GPC6: variants seen among roughly 807,000 people sequenced by gnomAD.
The protein encoded by GPC6 is glypican 6, also known as glypican-6.
In GPC6, 14 loss-of-function variants were observed where a neutral mutation model predicts 55.2. The observed-to-expected ratio is 0.25, with a 90% CI of 0.17 to 0.40. GPC6 has a LOEUF of 0.40. Ranked by LOEUF, GPC6 falls within the 10% of genes least tolerant of loss-of-function variation. The pLI is 1.00. For synonymous variants in GPC6, 278 were observed against 259.6 expected (o/e 1.07, Z -0.68); for missense variants, 641 against 708.5 (o/e 0.90, Z 1.08).
chr13:93,719,333 C>T (rs903203740), intron 2 of GPC6, among the ~76,000 whole-genome samples: 1 of 151,932 alleles, frequency 6.6e-6, no homozygotes, highest in Non-Finnish European at 1.5e-5. Context: ...GAATTTTATT[C>T]TCTTTGTAGC....
chr13:94,355,177 C>T (rs956854895), intron 6 of GPC6, among the ~76,000 whole-genome samples: 2 of 152,136 alleles, frequency 1.3e-5, no homozygotes, highest in African/African-American at 4.8e-5. Context: ...GCACCCACCA[C>T]CACACCTGGC....
chr13:94,155,152 T>A (rs145626127), intron 4 of GPC6, among the ~76,000 whole-genome samples: 80 of 152,250 alleles, frequency 5.3e-4, no homozygotes, highest in Non-Finnish European at 1.0e-3. Context: ...CAAATCCACC[T>A]ACCTACAAGG....
chr13:94,135,497 A>G (rs1887154652), intron 4 of GPC6, among the ~76,000 whole-genome samples: 1 of 152,216 alleles, frequency 6.6e-6, no homozygotes, highest in African/African-American at 2.4e-5. Flanking sequence ...TTTAATTCAG[A>G]AGCATTTATT....
intron 4 of GPC6, among the ~76,000 whole-genome samples, chr13:94,111,784 G>A (rs563441332): frequency 1.1e-4 from 17 of 152,094 alleles, no homozygotes; most frequent in African/African-American, 3.9e-4. Context: ...GCTGGCCCAG[G>A]GTCCAGGATA....
chr13:93,789,743 G>T (rs931965354), intron 2 of GPC6, among the ~76,000 whole-genome samples: 9 of 149,354 alleles, frequency 6.0e-5, no homozygotes, highest in Admixed American at 3.4e-4. Flanking sequence ...ATGGCACAGA[G>T]GACAATGAGT....
chr13:93,389,394 C>G (rs1272313668), intron 1 of GPC6, among the ~76,000 whole-genome samples: 2 of 151,100 alleles, frequency 1.3e-5, no homozygotes, highest in Non-Finnish European at 2.9e-5. Flanking sequence ...GTCCTAGCTA[C>G]TTGGGAGGCT....
chr13:93,813,303 C>T (rs1318117489), intron 2 of GPC6, among the ~76,000 whole-genome samples: 1 of 152,066 alleles, frequency 6.6e-6, no homozygotes, highest in Non-Finnish European at 1.5e-5. Context: ...TGTAATCCCA[C>T]AGCTACTCAG....
At chr13:93,885,895 A>C (rs1875294390) in intron 3 of GPC6, among the ~76,000 whole-genome samples, 1 of 152,134 alleles carries the variant, frequency 6.6e-6, no homozygotes, top group Admixed American at 6.6e-5. Context: ...GTGCTTGAAG[A>C]GAGATGAGAT....
Position 93,906,141 on chromosome 13 carries a change from A to G in GPC6, c.711+75596A>G, listed in dbSNP as rs1002344123. On this transcript the variant is annotated intron_variant, in intron 3 of 8. Coordinates refer to ENST00000377047, the MANE Select transcript of GPC6 (RefSeq NM_005708.5). ...TGCAGTCTGGCTCCTGGACCCACAAAAAGTTTGTCTTTCTCTCTCATTCTC... is the reference window on the plus strand; with the variant it reads ...TGCAGTCTGGCTCCTGGACCCACAAGAAGTTTGTCTTTCTCTCTCATTCTC... Among the ~76,000 whole-genome samples, 10 of 152,066 alleles carry G rather than the reference A, an allele frequency of 6.6e-5. No homozygotes were observed. The South Asian group carries it at 2.1e-3, about 32-fold the overall frequency.
intron 2 of GPC6, among the ~76,000 whole-genome samples, chr13:93,640,613 G>A (rs548670520): frequency 5.1e-4 from 78 of 152,086 alleles, no homozygotes; most frequent in African/African-American, 1.6e-3. Flanking sequence ...GCACTATATA[G>A]CCACTTGTTG....
At position 93,329,274 on chromosome 13, in the gene GPC6, C is replaced by A. The variant is rs978473534; in HGVS notation, c.160+101658C>A. Reference sequence around the variant, plus strand: ...CTTTCCCTTCTGATTCTGATCCTAACTACAAACAAAATAATTTATGGCATT... The same window carrying A: ...CTTTCCCTTCTGATTCTGATCCTAAATACAAACAAAATAATTTATGGCATT... On this transcript the variant is annotated intron_variant, in intron 1 of 8. Transcript: ENST00000377047. Among the ~76,000 whole-genome samples the A allele has an allele frequency of 3.3e-5, 5 of 152,206 alleles. No individual in the cohort carries two copies. In the South Asian group the frequency reaches 1.0e-3, roughly 32 times the overall value.
At chr13:93,718,088 T>A (rs973903310) in intron 2 of GPC6, among the ~76,000 whole-genome samples, 13 of 151,796 alleles carry the variant, frequency 8.6e-5, no homozygotes, top group African/African-American at 2.9e-4. Context: ...CATGTGTCTT[T>A]ATAGTAGAAT....
At chr13:93,870,628 A>T (rs1889101105) in intron 3 of GPC6, among the ~76,000 whole-genome samples, 1 of 151,820 alleles carries the variant, frequency 6.6e-6, no homozygotes, top group Non-Finnish European at 1.5e-5. Flanking sequence ...GCCTTCAAAG[A>T]GGTAACTAAA....
chr13:93,448,501 C>T (rs989069658), intron 1 of GPC6, among the ~76,000 whole-genome samples: 11 of 152,124 alleles, frequency 7.2e-5, no homozygotes, highest in Non-Finnish European at 1.5e-5. Context: ...CTTAGAAAGG[C>T]ATAGTGTAAG....
At chr13:93,343,450 C>T (rs1401494622) in intron 1 of GPC6, among the ~76,000 whole-genome samples, 1 of 152,160 alleles carries the variant, frequency 6.6e-6, no homozygotes, top group Non-Finnish European at 1.5e-5. Context: ...CAGATACTCA[C>T]CAGTAACATT....
chr13:94,399,854 G>A (rs1881053897), intron 8 of GPC6, among the ~76,000 whole-genome samples: 2 of 152,064 alleles, frequency 1.3e-5, no homozygotes, highest in Admixed American at 1.3e-4. Context: ...ACATTACACA[G>A]GTTTCAGCCA....
At chr13:93,498,686 G>A (rs144745144) in intron 1 of GPC6, among the ~76,000 whole-genome samples, 4 of 152,260 alleles carry the variant, frequency 2.6e-5, no homozygotes, top group African/African-American at 4.8e-5. Flanking sequence ...CCCCAGCCAC[G>A]TGGAACTGTA....
intron 1 of GPC6, among the ~76,000 whole-genome samples, chr13:93,335,404 G>A (rs770315311): frequency 6.6e-6 from 1 of 152,072 alleles, no homozygotes; most frequent in African/African-American, 2.4e-5. Flanking sequence ...CATTTTCAAG[G>A]CAAACGTGTT....
chr13:93,944,045 G>T (rs925982182), intron 3 of GPC6, among the ~76,000 whole-genome samples: 6 of 152,120 alleles, frequency 3.9e-5, no homozygotes, highest in Non-Finnish European at 7.4e-5. Context: ...AGCGCTACAT[G>T]CTTCTTCTCC....
Sources: allele counts gnomAD v4.1 joint callset (sites outside exome capture counted in the v4.1 genomes callset), GRCh38; gene constraint gnomAD v4.1.1; transcripts MANE v1.5; gene names NCBI Gene and HGNC (gene_info 2026-07-23, HGNC 2026-07-21).